SORCS1: variants seen among roughly 807,000 people sequenced by gnomAD.
SORCS1 encodes VPS10 domain-containing receptor SorCS1.
A neutral mutation model predicts 146.1 loss-of-function variants in SORCS1; 60 were observed. The observed-to-expected ratio is 0.41, with a 90% CI of 0.33 to 0.51. SORCS1 has a LOEUF of 0.51. Ranked by LOEUF, SORCS1 falls within the 20% of genes least tolerant of loss-of-function variation. The pLI is 0.21. For synonymous variants in SORCS1, 637 were observed against 584.0 expected, an observed-to-expected ratio of 1.09 and a Z score of -1.31; for missense variants, 1,352 against 1,487.6, an observed-to-expected ratio of 0.91 and a Z score of 1.50.
At chr10:106,899,972 A>AT (rs1464482656) in intron 2 of SORCS1, among the ~76,000 whole-genome samples, 1 of 151,782 alleles carries the variant, frequency 6.6e-6, no homozygotes, top group African/African-American at 2.4e-5. Flanking sequence ...ACACACACAT[A>AT]TTTTTTTCCT....
chr10:106,599,753 C>A (rs1589442752), intron 23 of SORCS1, among the ~76,000 whole-genome samples: 1 of 151,036 alleles, frequency 6.6e-6, no homozygotes, highest in African/African-American at 2.4e-5. Context: ...AGCCATATTT[C>A]TTTCTTTCTT....
chr10:106,978,565 C>T (rs112435192), intron 1 of SORCS1, among the ~76,000 whole-genome samples: 33,985 of 151,792 alleles, frequency 0.22, 4,611 homozygotes, highest in Middle Eastern at 0.33. Flanking sequence ...TTTGGGAGGC[C>T]GAGGCAGGCA....
intron 1 of SORCS1, among the ~76,000 whole-genome samples, chr10:106,975,783 C>CT (rs951657404): frequency 6.6e-6 from 1 of 152,202 alleles, no homozygotes; most frequent in African/African-American, 2.4e-5. Flanking sequence ...TACTGACCTT[C>CT]TTGCTCTTCT....
intron 24 of SORCS1, among the ~76,000 whole-genome samples, chr10:106,591,926 T>C (rs966750299): frequency 2.6e-5 from 4 of 152,232 alleles, no homozygotes; most frequent in African/African-American, 9.6e-5. Context: ...ACGTACACTT[T>C]GGTCAAGACA....
chr10:106,709,738 G>A (rs1054852752), intron 6 of SORCS1, among the ~76,000 whole-genome samples: 3 of 152,092 alleles, frequency 2.0e-5, no homozygotes, highest in Admixed American at 6.5e-5. Context: ...GTGAGCCACC[G>A]CGCCCAGCCA....
chr10:106,906,128 ATTTG>A (rs1951900352), intron 2 of SORCS1, among the ~76,000 whole-genome samples: 1 of 152,060 alleles, frequency 6.6e-6, no homozygotes, highest in Non-Finnish European at 1.5e-5. Flanking sequence ...TTGTTTGTTT[ATTTG>A]TTTGTTTTGA....
intron 3 of SORCS1, among the ~76,000 whole-genome samples, chr10:106,801,610 A>G (rs1342514454): frequency 6.7e-6 from 1 of 150,152 alleles, no homozygotes; most frequent in African/African-American, 2.5e-5. Context: ...CTCACTGCAA[A>G]GCTCCGCCTC....
intron 3 of SORCS1, among the ~76,000 whole-genome samples, chr10:106,793,930 T>C (rs1264805434): frequency 6.6e-6 from 1 of 152,234 alleles, no homozygotes; most frequent in Non-Finnish European, 1.5e-5. Context: ...CACATGTGCC[T>C]TTTCAATGTT....
At chr10:106,926,361 C>T (rs1953015788) in intron 2 of SORCS1, among the ~76,000 whole-genome samples, 1 of 152,106 alleles carries the variant, frequency 6.6e-6, no homozygotes, top group South Asian at 2.1e-4. Context: ...TTAATAGTAG[C>T]TTGCTTCCTA....
chr10:107,129,864 T>C (rs997459828), intron 1 of SORCS1, among the ~76,000 whole-genome samples: 9 of 152,200 alleles, frequency 5.9e-5, no homozygotes, highest in African/African-American at 2.2e-4. Flanking sequence ...CCATTGATCA[T>C]TTCCTTAACT....
chr10:107,104,608 G>A (rs1965176341), intron 1 of SORCS1, among the ~76,000 whole-genome samples: 1 of 152,190 alleles, frequency 6.6e-6, no homozygotes, highest in Non-Finnish European at 1.5e-5. Context: ...ACAGGCCAGA[G>A]CCAGAGATGT....
intron 15 of SORCS1, among the ~76,000 whole-genome samples, chr10:106,672,412 T>C (rs781359987): frequency 6.6e-6 from 1 of 152,150 alleles, no homozygotes; most frequent in Non-Finnish European, 1.5e-5. Flanking sequence ...AAAAGTACCA[T>C]ATAGTTCCAA....
At chr10:107,080,452 T>TA (rs1347279733) in intron 1 of SORCS1, among the ~76,000 whole-genome samples, 7 of 152,176 alleles carry the variant, frequency 4.6e-5, no homozygotes, top group African/African-American at 1.4e-4. Flanking sequence ...GTCCTCAGGT[T>TA]AAAAAAATCT....
At chr10:106,988,004 G>A (rs1324211440) in intron 1 of SORCS1, among the ~76,000 whole-genome samples, 1 of 152,034 alleles carries the variant, frequency 6.6e-6, no homozygotes, top group Admixed American at 6.6e-5. Context: ...TATAGTAAAG[G>A]CCATTTCACC....
At chr10:107,030,769 A>G (rs1184546381) in intron 1 of SORCS1, among the ~76,000 whole-genome samples, 1 of 152,202 alleles carries the variant, frequency 6.6e-6, no homozygotes, top group East Asian at 1.9e-4. Context: ...TTTTTTAAAA[A>G]CCAAAGAAAG....
rs182539030 is a variant in SORCS1, at chr10:106,941,224, G to A, written c.626+15289C>T. 3.9e-5 allele frequency among the ~76,000 whole-genome samples: 6 copies of A among 152,292 alleles called. No individual in the cohort carries two copies. The East Asian group carries it at 1.2e-3, about 29-fold the overall frequency. ...TATTTTGTAGGCAAATTGAATAGAA[G>A]GGGAAAGGCATCCCCAGCAAAGACC... On this transcript the variant is annotated intron_variant, in intron 2 of 25. Coordinates refer to ENST00000263054, the MANE Select transcript of SORCS1 (RefSeq NM_052918.5).
intron 17 of SORCS1, among the ~76,000 whole-genome samples, chr10:106,659,469 G>A (rs531252038): frequency 6.6e-6 from 1 of 152,268 alleles, no homozygotes; most frequent in African/African-American, 2.4e-5. Flanking sequence ...CCAGTTGTAC[G>A]ACTAAGTTAA....
intron 5 of SORCS1, among the ~76,000 whole-genome samples, chr10:106,740,685 A>C (rs1396522273): frequency 6.6e-6 from 1 of 152,210 alleles, no homozygotes; most frequent in Non-Finnish European, 1.5e-5. Context: ...ATTAAGTGTG[A>C]GATTGATGTC....
chr10:106,854,377 G>T (rs1458309850), intron 2 of SORCS1, among the ~76,000 whole-genome samples: 1 of 151,942 alleles, frequency 6.6e-6, no homozygotes, highest in South Asian at 2.1e-4. Context: ...ACAACATATA[G>T]TTAGGGCTTG....
Sources: allele counts gnomAD v4.1 joint callset (sites outside exome capture counted in the v4.1 genomes callset), GRCh38; gene constraint gnomAD v4.1.1; transcripts MANE v1.5; gene names NCBI Gene and HGNC (gene_info 2026-07-23, HGNC 2026-07-21).